Variants in NTM observed in about 807,000 individuals in gnomAD.
NTM encodes the protein IgLON family member 2.
NTM carries 13 observed loss-of-function variants against 42.1 expected under a neutral mutation model. The observed-to-expected ratio is 0.31, with a 90% CI of 0.20 to 0.49. NTM has a LOEUF of 0.49. Ranked by LOEUF, NTM falls within the 20% of genes least tolerant of loss-of-function variation. NTM has a pLI of 0.99. For missense variants in NTM, 373 were observed against 452.8 expected, an observed-to-expected ratio of 0.82 and a Z score of 1.60; for synonymous variants, 187 against 179.2, an observed-to-expected ratio of 1.04 and a Z score of -0.35.
intron 1 of NTM, among the ~76,000 whole-genome samples, chr11:131,688,730 G>C (rs2074264045): frequency 6.6e-6 from 1 of 152,226 alleles, no homozygotes; most frequent in Non-Finnish European, 1.5e-5. Flanking sequence ...TGATGCGTGT[G>C]TGGAAGACAC....
intron 2 of NTM, among the ~76,000 whole-genome samples, chr11:132,072,555 T>C (rs2057829690): frequency 6.6e-6 from 1 of 152,190 alleles, no homozygotes; most frequent in Admixed American, 6.5e-5. Flanking sequence ...TTAGCTATAT[T>C]TTCAGAAAAA....
At chr11:132,190,599 C>T (rs974772081) in intron 3 of NTM, among the ~76,000 whole-genome samples, 5 of 151,836 alleles carry the variant, frequency 3.3e-5, no homozygotes, top group South Asian at 2.1e-4. Context: ...TAGCTGGCCG[C>T]GGTGGCAGGC....
intron 2 of NTM, among the ~76,000 whole-genome samples, chr11:132,143,089 T>C (rs1273936603): frequency 6.6e-6 from 1 of 152,128 alleles, no homozygotes; most frequent in Non-Finnish European, 1.5e-5. Flanking sequence ...CTGCTTCTGG[T>C]TTCCCTGAAC....
At chr11:131,431,009 A>T (rs1463477777) in intron 1 of NTM, among the ~76,000 whole-genome samples, 2 of 152,230 alleles carry the variant, frequency 1.3e-5, no homozygotes, top group African/African-American at 2.4e-5. Context: ...GAGATATGCT[A>T]CGGTGATTCA....
At chr11:131,543,846 C>A (rs150360156) in intron 1 of NTM, among the ~76,000 whole-genome samples, 1 of 152,352 alleles carries the variant, frequency 6.6e-6, no homozygotes, top group East Asian at 1.9e-4. Flanking sequence ...ATCCTTATGG[C>A]AGGCACATTA....
chr11:131,516,520 G>A (rs61901920), intron 1 of NTM, among the ~76,000 whole-genome samples: 1 of 152,172 alleles, frequency 6.6e-6, no homozygotes, highest in African/African-American at 2.4e-5. Flanking sequence ...TGGGAATACA[G>A]GCACGTACCA....
Position 131,873,626 on chromosome 11 carries a change from T to TATATATACACATATATATATACACAC in NTM, c.83-37931_83-37930insCACATATATATATACACACATATATA, listed in dbSNP as rs1565658014. ...TATATATATACCGTATATATATACA[T>TATATATACACATATATATATACACAC]ATATATATACACATATATATATACA... On this transcript the variant is annotated intron_variant, in intron 1 of 8. Transcript: ENST00000683400. Among the ~76,000 whole-genome samples, 22 of 83,714 alleles carry TATATATACACATATATATATACACAC rather than the reference T, an allele frequency of 2.6e-4. 2 individuals are homozygous for TATATATACACATATATATATACACAC. The highest frequency in any genetic ancestry group is 1.3e-3 in the African/African-American group (21 of 16,308). The allele number at this position is 83,714 out of a possible 152,430, so 54.9% of individuals were successfully genotyped here.
rs58463755 is a variant in NTM at position 131,538,921 on chromosome 11, CT to C, written c.82+168053del. Among the ~76,000 whole-genome samples, 452 of 102,424 alleles carry C rather than the reference CT, an allele frequency of 4.4e-3. 2 individuals are homozygous for C. The highest frequency in any genetic ancestry group is 0.013 in the African/African-American group (385 of 29,598). The allele number at this position is 102,424 out of a possible 152,430, so 67.2% of individuals were successfully genotyped here. ...GAAGGGATTGGGCATGTTAACTTAG[CT>C]TTTTTTTTTTTTTTTTTTTAATTTT... On this transcript the variant is annotated intron_variant, in intron 1 of 8. Coordinates refer to ENST00000683400, the MANE Select transcript of NTM (RefSeq NM_001352005.2).
At chr11:132,086,551 A>T (rs1322547194) in intron 2 of NTM, among the ~76,000 whole-genome samples, 1 of 152,124 alleles carries the variant, frequency 6.6e-6, no homozygotes, top group African/African-American at 2.4e-5. Context: ...CATGTGTCCA[A>T]TGTTTCTGGC....
intron 1 of NTM, among the ~76,000 whole-genome samples, chr11:131,744,858 G>A (rs1382034762): frequency 6.6e-6 from 1 of 152,170 alleles, no homozygotes; most frequent in African/African-American, 2.4e-5. Context: ...CCACACCGGT[G>A]TGTCAGTGCA....
In NTM at chr11:131,896,679, CTTTTTTTTT is replaced by C. The variant is rs71067345; in HGVS notation, c.83-14870_83-14862del. On this transcript the variant is annotated intron_variant, in intron 1 of 8. Coordinates refer to ENST00000683400, the MANE Select transcript of NTM (RefSeq NM_001352005.2). ...CATGCCAAATGGAGTACATTTTAGGCTTTTTTTTTTTTTTTTTTTTTTTCTCTGAGACGG... is the reference window on the plus strand; with the variant it reads ...CATGCCAAATGGAGTACATTTTAGGCTTTTTTTTTTTTTTCTCTGAGACGG... Among the ~76,000 whole-genome samples the C allele has an allele frequency of 1.6e-4, 16 of 100,610 alleles. 1 individual carries two copies. The highest frequency in any genetic ancestry group is 1.3e-3 in the Admixed American group (12 of 9,440). 66.0% of individuals were successfully genotyped at this position (100,610 alleles called of 152,430 possible).
intron 2 of NTM, among the ~76,000 whole-genome samples, chr11:131,951,843 AGC>A (rs1024901937): frequency 7.4e-6 from 1 of 135,964 alleles, no homozygotes; most frequent in Non-Finnish European, 1.6e-5. Flanking sequence ...AAAAAAAAAA[AGC>A]CCAACGTCCA....
intron 4 of NTM, among the ~76,000 whole-genome samples, chr11:132,271,974 G>T (rs948886170): frequency 6.6e-6 from 1 of 151,938 alleles, no homozygotes; most frequent in Non-Finnish European, 1.5e-5. Context: ...CCATTCCAAG[G>T]TCATCAAGAT....
At chr11:131,985,454 G>A (rs1316835311) in intron 2 of NTM, among the ~76,000 whole-genome samples, 1 of 152,158 alleles carries the variant, frequency 6.6e-6, no homozygotes, top group Non-Finnish European at 1.5e-5. Context: ...TCTCTGTGGA[G>A]TAACAACAGC....
intron 1 of NTM, among the ~76,000 whole-genome samples, chr11:131,550,000 C>T (rs1259856215): frequency 1.3e-5 from 2 of 152,162 alleles, no homozygotes; most frequent in East Asian, 3.9e-4. Flanking sequence ...CAGGCACAAA[C>T]ACTCAGTGTT....
At chr11:131,488,853 A>G (rs1954469706) in intron 1 of NTM, among the ~76,000 whole-genome samples, 2 of 152,250 alleles carry the variant, frequency 1.3e-5, no homozygotes, top group Non-Finnish European at 2.9e-5. Context: ...TATATCCAGC[A>G]TATGATGGTG....
At chr11:132,007,425 C>T (rs2071051464) in intron 2 of NTM, among the ~76,000 whole-genome samples, 1 of 152,176 alleles carries the variant, frequency 6.6e-6, no homozygotes, top group Non-Finnish European at 1.5e-5. Flanking sequence ...GAGGGCATAA[C>T]TCCTGCTGAG....
chr11:131,789,810 G>T (rs11222797), intron 1 of NTM, among the ~76,000 whole-genome samples: 9 of 144,756 alleles, frequency 6.2e-5, no homozygotes, highest in African/African-American at 2.3e-4. Context: ...CAAAAAATTA[G>T]CCGGGTGTGG....
intron 1 of NTM, among the ~76,000 whole-genome samples, chr11:131,758,553 C>T (rs879786442): frequency 1.3e-5 from 2 of 151,080 alleles, no homozygotes; most frequent in Non-Finnish European, 3.0e-5. Context: ...TTCTTTCTTT[C>T]TTCTTTCTTT....
Sources: allele counts gnomAD v4.1 joint callset (sites outside exome capture counted in the v4.1 genomes callset), GRCh38; gene constraint gnomAD v4.1.1; transcripts MANE v1.5; gene names NCBI Gene and HGNC (gene_info 2026-07-23, HGNC 2026-07-21).